PDE1C: variants seen among roughly 807,000 people sequenced by gnomAD.
The protein encoded by PDE1C is phosphodiesterase 1C, also known as dual specificity calcium/calmodulin-dependent 3',5'-cyclic nucleotide phosphodiesterase 1C.
A neutral mutation model predicts 93.1 loss-of-function variants in PDE1C; 62 were observed. That is an observed-to-expected ratio of 0.67 (90% CI 0.54 to 0.82). The LOEUF (loss-of-function observed/expected upper bound fraction) is 0.82, where lower values mean the gene tolerates loss of function less well. Ranked by LOEUF, PDE1C falls within the 40% of genes least tolerant of loss-of-function variation. The pLI is 0.00. For missense variants in PDE1C, 742 were observed against 884.6 expected (o/e 0.84, Z 2.04); for synonymous variants, 325 against 310.1 (o/e 1.05, Z -0.50).
chr7:31,754,293 A>G (rs6979973), intron 17 of PDE1C, among the ~76,000 whole-genome samples: 44,003 of 152,170 alleles, frequency 0.29, 6,605 homozygotes, highest in East Asian at 0.43. Flanking sequence ...ATTGGAATGC[A>G]AAATGGTACA....
intron 1 of PDE1C, among the ~76,000 whole-genome samples, chr7:32,289,688 C>A (rs922200006): frequency 2.6e-5 from 4 of 152,096 alleles, no homozygotes; most frequent in Non-Finnish European, 4.4e-5. Context: ...TTACTTTGAC[C>A]TTGAGCAAGT....
chr7:32,106,138 A>C (rs1798297652), intron 3 of PDE1C, among the ~76,000 whole-genome samples: 1 of 152,082 alleles, frequency 6.6e-6, no homozygotes, highest in African/African-American at 2.4e-5. Context: ...CAGCGTTCTG[A>C]GTAGCTGAGA....
At chr7:32,308,094 C>A (rs935680232) in intron 1 of PDE1C, among the ~76,000 whole-genome samples, 1 of 152,244 alleles carries the variant, frequency 6.6e-6, no homozygotes, top group African/African-American at 2.4e-5. Context: ...CCGCACATGG[C>A]TCAGAGGGTC....
intron 1 of PDE1C, among the ~76,000 whole-genome samples, chr7:32,379,776 T>C (rs1784500137): frequency 6.6e-6 from 1 of 152,226 alleles, no homozygotes; most frequent in South Asian, 2.1e-4. Flanking sequence ...TCACTCTACA[T>C]TTCTAAGTCC....
intron 3 of PDE1C, among the ~76,000 whole-genome samples, chr7:32,098,691 T>G (rs1797897284): frequency 6.6e-6 from 1 of 152,256 alleles, no homozygotes; most frequent in Non-Finnish European, 1.5e-5. Flanking sequence ...AGTTTCTGTT[T>G]ATGCACCCTG....
intron 1 of PDE1C, among the ~76,000 whole-genome samples, chr7:32,054,984 C>G (rs1793874589): frequency 1.3e-5 from 2 of 152,138 alleles, no homozygotes; most frequent in Non-Finnish European, 2.9e-5. Flanking sequence ...AACTGGGTAA[C>G]ACTCCTTCTG....
At chr7:32,171,415 A>G (rs1011314255) in intron 2 of PDE1C, among the ~76,000 whole-genome samples, 1 of 151,546 alleles carries the variant, frequency 6.6e-6, no homozygotes, top group Admixed American at 6.6e-5. Flanking sequence ...GAAAAAAAAA[A>G]TCTGTAGTAA....
intron 3 of PDE1C, among the ~76,000 whole-genome samples, chr7:32,163,636 A>G (rs1280311054): frequency 6.6e-6 from 1 of 152,160 alleles, no homozygotes; most frequent in Non-Finnish European, 1.5e-5. Flanking sequence ...GATTCTTCCA[A>G]GTGCAAAATT....
chr7:32,228,724 A>T (rs1353926661), intron 1 of PDE1C, among the ~76,000 whole-genome samples: 2 of 152,194 alleles, frequency 1.3e-5, no homozygotes, highest in Admixed American at 1.3e-4. Flanking sequence ...TGCATAGAGC[A>T]AGGTGACATA....
rs533043477 is a variant in PDE1C at position 31,845,940 on chromosome 7, C to T, written c.980+2028G>A. ...TTTGGGAAGCGAAGGTTGCAGTGAG[C>T]CAAGATCATGCCACTGCACTCCAGT... On this transcript the variant is annotated intron_variant, in intron 9 of 17. Transcript: ENST00000396191. 1.4e-3 allele frequency among the ~76,000 whole-genome samples: 216 copies of T among 152,134 alleles called. 2 individuals are homozygous for T. The highest frequency in any genetic ancestry group is 5.0e-3 in the African/African-American group (206 of 41,518).
chr7:32,329,006 A>G lies in PDE1C; in HGVS notation c.310+98816T>C, dbSNP rs535811109. Among the ~76,000 whole-genome samples the G allele has an allele frequency of 5.3e-5, 8 of 152,282 alleles. No homozygotes were observed. The South Asian group carries it at 1.5e-3, about 28-fold the overall frequency. On this transcript the variant is annotated intron_variant, in intron 1 of 1. Coordinates refer to the PDE1C transcript ENST00000672256. ...CAGCACTTTGGGAGGCCAAGGCAGG[A>G]GCATCACTTAAGCTCAGGAGTTTGA...
intron 2 of PDE1C, among the ~76,000 whole-genome samples, chr7:32,189,897 A>G (rs546564937): frequency 3.3e-4 from 50 of 152,304 alleles, no homozygotes; most frequent in African/African-American, 1.2e-3. Flanking sequence ...GAACCCCCAC[A>G]CCCAGAATGT....
intron 16 of PDE1C, among the ~76,000 whole-genome samples, chr7:31,778,763 G>A (rs2057266045): frequency 6.6e-6 from 1 of 152,154 alleles, no homozygotes; most frequent in Non-Finnish European, 1.5e-5. Flanking sequence ...TAGATTTGTT[G>A]TTGTTTCTGA....
chr7:32,175,086 C>T (rs1470650634), intron 2 of PDE1C, among the ~76,000 whole-genome samples: 1 of 152,094 alleles, frequency 6.6e-6, no homozygotes, highest in African/African-American at 2.4e-5. Context: ...TACCAGCCCC[C>T]ACAAAGATAC....
chr7:32,112,840 G>GTATATA (rs1563322964), intron 3 of PDE1C, among the ~76,000 whole-genome samples: 45 of 53,650 alleles, frequency 8.4e-4, no homozygotes, highest in Non-Finnish European at 1.4e-3. Flanking sequence ...GTGTGTGTGT[G>GTATATA]TGTGTGTATA....
intron 3 of PDE1C, among the ~76,000 whole-genome samples, chr7:32,141,276 G>A (rs1259863144): frequency 6.6e-6 from 1 of 152,158 alleles, no homozygotes; most frequent in African/African-American, 2.4e-5. Flanking sequence ...ATGCTGTAAT[G>A]TGCTATTATC....
At chr7:31,806,693 C>T (rs1426217438) in intron 16 of PDE1C, among the ~76,000 whole-genome samples, 1 of 151,840 alleles carries the variant, frequency 6.6e-6, no homozygotes, top group Non-Finnish European at 1.5e-5. Flanking sequence ...ATTCAGTTTC[C>T]ACTGGGTTTC....
At chr7:31,929,052 A>C (rs1803812977) in intron 2 of PDE1C, among the ~76,000 whole-genome samples, 1 of 152,094 alleles carries the variant, frequency 6.6e-6, no homozygotes, top group South Asian at 2.1e-4. Flanking sequence ...CTCATGTGCA[A>C]AGACACATAT....
chr7:31,675,912 A>G, the PDE1C span, among the ~76,000 whole-genome samples: 1 of 152,274 alleles, frequency 6.6e-6, no homozygotes, highest in Middle Eastern at 3.4e-3. Flanking sequence ...GTGACAAGGT[A>G]TCCATCTGAA....
Sources: allele counts gnomAD v4.1 joint callset (sites outside exome capture counted in the v4.1 genomes callset), GRCh38; gene constraint gnomAD v4.1.1; transcripts MANE v1.5; gene names NCBI Gene and HGNC (gene_info 2026-07-23, HGNC 2026-07-21).